The following SH2D4B variants were observed in gnomAD, a reference collection of about 807,000 sequenced individuals.
SH2D4B encodes SH2 domain-containing protein 4B.
SH2D4B carries 45 observed loss-of-function variants against 61.5 expected under a neutral mutation model. The observed-to-expected ratio is 0.73, with a 90% CI of 0.58 to 0.94. SH2D4B has a LOEUF of 0.94. Ranked by LOEUF, SH2D4B falls within the 40% of genes least tolerant of loss-of-function variation. The probability of loss-of-function intolerance (pLI) is 0.00; values close to 1 mark genes in which losing one functional copy is unlikely to be tolerated. For missense variants in SH2D4B, 572 were observed against 574.2 expected, an observed-to-expected ratio of 1.00 and a Z score of 0.04; for synonymous variants, 224 against 220.4, an observed-to-expected ratio of 1.02 and a Z score of -0.14.
chr10:80,567,310 T>G (rs935010389), intron 1 of SH2D4B, among the ~76,000 whole-genome samples: 8 of 152,234 alleles, frequency 5.3e-5, no homozygotes, highest in Non-Finnish European at 8.8e-5. Flanking sequence ...CAGTCATCTG[T>G]GGGCTGAGGA....
intron 3 of SH2D4B, among the ~76,000 whole-genome samples, chr10:80,581,085 C>T (rs896597022): frequency 2.6e-5 from 4 of 152,220 alleles, no homozygotes; most frequent in Non-Finnish European, 5.9e-5. Context: ...TCGTCCCCAT[C>T]CTTGTGAAGA....
In SH2D4B at chr10:80,588,758, G is replaced by A. The variant is rs1842289564; in HGVS notation, c.624G>A (p.Glu208=). Reference sequence around the variant, plus strand: ...ATTGCCAAGCCAGTGAGAAAGAGGAGCGAGAGTGGGAAGAACAGTGTGAGT... The same window carrying A: ...ATTGCCAAGCCAGTGAGAAAGAGGAACGAGAGTGGGAAGAACAGTGTGAGT... The part of the protein sequence containing the change: ...QLHCQASEKE[E]REWEEQLRRS... The change falls in exon 4 of 8, where the codon GAG becomes GAA. Residue 208 remains glutamate, a synonymous_variant. Coordinates refer to ENST00000646907, the MANE Select transcript of SH2D4B (RefSeq NM_001388272.1). 1 of 1,614,078 alleles carries A rather than the reference G, an allele frequency of 6.2e-7. No homozygotes were observed. The highest frequency in any genetic ancestry group is 8.5e-7 in the Non-Finnish European group (1 of 1,180,036).
At chr10:80,594,421 A>G (rs1288766000) in intron 4 of SH2D4B, among the ~76,000 whole-genome samples, 2 of 152,166 alleles carry the variant, frequency 1.3e-5, no homozygotes, top group African/African-American at 2.4e-5. Flanking sequence ...ATCTGTATTC[A>G]TAAGAGATAT....
At chr10:80,609,686 C>T (rs1477977077) in intron 6 of SH2D4B, 135 bp downstream of exon 6, 1 of 1,377,056 alleles carries the variant, frequency 7.3e-7, no homozygotes, top group Non-Finnish European at 1.0e-6. Context: ...CTGTCCCTCT[C>T]CCAGTGGGAG....
chr10:80,586,684 G>A (rs1386804634), intron 3 of SH2D4B, among the ~76,000 whole-genome samples: 2 of 152,232 alleles, frequency 1.3e-5, no homozygotes, highest in Non-Finnish European at 2.9e-5. Flanking sequence ...CCAGATAAGA[G>A]AATAAAAGCA....
At position 80,538,265 on chromosome 10, in the gene SH2D4B, G is replaced by A. The variant is rs957719303; in HGVS notation, c.-67G>A. On this transcript the variant is annotated 5_prime_UTR_variant, in exon 1 of 8. Transcript: ENST00000646907. This position sits in a 1 kb window ranked among gnomAD's most constrained non-coding sequence, Gnocchi z 4.8. Reference sequence around the variant, plus strand: ...AGTCCGTAGTGCAGAGCAGCCCCTCGGGCGTTCTGCCTGGCCCTGCTTCCC... The same window carrying A: ...AGTCCGTAGTGCAGAGCAGCCCCTCAGGCGTTCTGCCTGGCCCTGCTTCCC... 2.3e-5 allele frequency: 29 copies of A among 1,253,148 alleles called. No individual in the cohort carries two copies. The highest frequency in any genetic ancestry group is 2.7e-5 in the Non-Finnish European group (26 of 980,220). The allele number at this position is 1,253,148 out of a possible 1,614,324, so 77.6% of individuals were successfully genotyped here. A position where few individuals can be genotyped will look rare whatever the true frequency, so the allele number is the denominator to read the frequency against.
At chr10:80,614,284 C>A (rs7096010) in intron 6 of SH2D4B, among the ~76,000 whole-genome samples, 1 of 152,178 alleles carries the variant, frequency 6.6e-6, no homozygotes, top group Admixed American at 6.5e-5. Flanking sequence ...AGCTTTTACT[C>A]GTGGCAGAAG....
intron 6 of SH2D4B, among the ~76,000 whole-genome samples, chr10:80,633,402 G>T (rs1842855862): frequency 6.6e-6 from 1 of 152,160 alleles, no homozygotes; most frequent in African/African-American, 2.4e-5. Context: ...TACCTTCTAA[G>T]TATTTGGGTT....
chr10:80,602,265 C>A (rs987989655), intron 4 of SH2D4B, among the ~76,000 whole-genome samples: 3 of 152,056 alleles, frequency 2.0e-5, no homozygotes, highest in African/African-American at 7.2e-5. Context: ...AGTTCAAGAC[C>A]AGGCTGCACA....
At chr10:80,641,011 C>A (rs1451446929) in intron 7 of SH2D4B, among the ~76,000 whole-genome samples, 1 of 152,158 alleles carries the variant, frequency 6.6e-6, no homozygotes, top group Non-Finnish European at 1.5e-5. Context: ...GATGCTATTC[C>A]TTTCTGTTTG....
At chr10:80,546,008 C>G (rs1420879146) in intron 1 of SH2D4B, among the ~76,000 whole-genome samples, 1 of 148,698 alleles carries the variant, frequency 6.7e-6, no homozygotes, top group East Asian at 1.9e-4. Context: ...CTTTCTCTCT[C>G]TCTTTCTTTC....
At chr10:80,574,325 C>T (rs924479931) in intron 3 of SH2D4B, among the ~76,000 whole-genome samples, 1 of 152,038 alleles carries the variant, frequency 6.6e-6, no homozygotes, top group African/African-American at 2.4e-5. Context: ...TTTGTAGAGA[C>T]AGGATTTCAC....
At chr10:80,621,723 C>T (rs1842718973) in intron 6 of SH2D4B, among the ~76,000 whole-genome samples, 1 of 152,104 alleles carries the variant, frequency 6.6e-6, no homozygotes, top group South Asian at 2.1e-4. Flanking sequence ...TGCTGATGGT[C>T]CACAGCTGGT....
intron 1 of SH2D4B, among the ~76,000 whole-genome samples, chr10:80,543,000 G>A (rs999920519): frequency 5.3e-5 from 8 of 152,210 alleles, no homozygotes; most frequent in African/African-American, 1.9e-4. Context: ...CTGGGCTCAG[G>A]ATGTGCTCCC....
intron 3 of SH2D4B, among the ~76,000 whole-genome samples, chr10:80,586,038 G>T (rs1315276444): frequency 2.0e-5 from 3 of 152,208 alleles, no homozygotes; most frequent in Admixed American, 6.5e-5. Flanking sequence ...TGCGGAGAGT[G>T]TGCTGGGTCC....
intron 1 of SH2D4B, among the ~76,000 whole-genome samples, chr10:80,553,425 G>A (rs897217146): frequency 3.3e-5 from 5 of 152,220 alleles, no homozygotes; most frequent in Admixed American, 3.3e-4. Flanking sequence ...CAGGGTCTGG[G>A]CTCCTCACTG....
At chr10:80,573,422 A>G (rs967701543) in intron 3 of SH2D4B, among the ~76,000 whole-genome samples, 9 of 152,148 alleles carry the variant, frequency 5.9e-5, no homozygotes, top group Non-Finnish European at 1.2e-4. Flanking sequence ...CATGCTTAGA[A>G]GAATCTGTGA....
intron 5 of SH2D4B, among the ~76,000 whole-genome samples, chr10:80,608,257 A>G (rs1332888594): frequency 3.3e-5 from 5 of 152,188 alleles, no homozygotes; most frequent in African/African-American, 1.2e-4. Context: ...CACATTGGTA[A>G]CTATGGATGG....
Position 80,609,457 on chromosome 10 carries a change from C to T in SH2D4B, c.894C>T (p.Ser298=). 6.2e-7 allele frequency: 1 copy of T among 1,614,180 alleles called. No homozygotes were observed. Among genetic ancestry groups the T allele is most frequent in the South Asian group, 1.1e-5 (1 of 91,088 alleles). ...RTWERPLRPV[S]RDVIVRWFKE... ...GGGAGCGCCCGCTGCGCCCAGTCTC[C>T]AGAGATGTCATCGTCCGCTGGTTTA... The change falls in exon 6 of 8, where the codon TCC becomes TCT. Residue 298 remains serine (S), a synonymous_variant. Coordinates refer to ENST00000646907, the MANE Select transcript of SH2D4B (RefSeq NM_001388272.1).
Sources: gnomAD v4.1 joint callset for allele counts (sites outside exome capture counted in the v4.1 genomes callset) on GRCh38, gnomAD v4.1.1 for gene constraint, Gnocchi (gnomAD v3.1) non-coding constraint, MANE v1.5 for transcripts, NCBI Gene and HGNC (gene_info 2026-07-23, HGNC 2026-07-21) for gene names.